Variants in TPTE observed in about 807,000 individuals in gnomAD.
The protein encoded by TPTE is putative tyrosine-protein phosphatase TPTE.
TPTE carries 59 observed loss-of-function variants against 84.1 expected under a neutral mutation model. That is an observed-to-expected ratio of 0.70 (90% CI 0.57 to 0.87). TPTE has a LOEUF of 0.87. TPTE is among the 40% of genes least tolerant of loss of function. The pLI, the probability that TPTE is intolerant of heterozygous loss-of-function variation, is 0.00. For missense variants in TPTE, 382 were observed against 659.6 expected, an observed-to-expected ratio of 0.58 and a Z score of 4.61; for synonymous variants, 130 against 223.5, an observed-to-expected ratio of 0.58 and a Z score of 3.73.
intron 3 of TPTE, among the ~76,000 whole-genome samples, chr21:10,533,650 T>A (rs2074218182): frequency 6.6e-6 from 1 of 152,312 alleles, no homozygotes; most frequent in African/African-American, 2.4e-5. Flanking sequence ...GGGCAGGAAT[T>A]ATATAGTCAG....
rs1979012032 is a variant in TPTE, at chr21:10,604,395, GAGTTGAAGA to G, written c.1520+767_1520+775del. ...AATATTTTTTAAATGATTTAGGTCAGAGTTGAAGAAGTGGCTATGATTATATGTGGCATG... is the reference window on the plus strand; with the variant it reads ...AATATTTTTTAAATGATTTAGGTCAGAGTGGCTATGATTATATGTGGCATG... On this transcript the variant is annotated intron_variant, in intron 23 of 23. Transcript: ENST00000618007. 3.9e-5 allele frequency among the ~76,000 whole-genome samples: 6 copies of G among 152,426 alleles called. No individual in the cohort carries two copies. The South Asian group carries it at 1.2e-3, about 32-fold the overall frequency.
chr21:10,569,598 A>G, intron 12 of TPTE, 62 bp downstream of exon 12: 1 of 1,613,734 alleles, frequency 6.2e-7, no homozygotes, highest in Non-Finnish European at 8.5e-7. Flanking sequence ...ACCCATTGAC[A>G]AGGGTTGATA....
chr21:10,538,765 T>C, intron 4 of TPTE, 31 bp downstream of exon 4: 2 of 1,614,066 alleles, frequency 1.2e-6, no homozygotes, highest in South Asian at 1.1e-5. Flanking sequence ...TCTTTATTTA[T>C]CGAATTATAA....
intron 17 of TPTE, among the ~76,000 whole-genome samples, chr21:10,585,306 TA>T (rs2075344209): frequency 2.0e-5 from 3 of 152,282 alleles, no homozygotes. Flanking sequence ...TTTTTTTTTT[TA>T]AATCATGAAT....
At chr21:10,554,613 G>A (rs1192365569) in intron 8 of TPTE, among the ~76,000 whole-genome samples, 1 of 152,306 alleles carries the variant, frequency 6.6e-6, no homozygotes, top group Admixed American at 6.5e-5. Flanking sequence ...CTCCCAGGTT[G>A]TCTTGCTTTT....
chr21:10,563,373 A>T (rs2074847323), intron 10 of TPTE, among the ~76,000 whole-genome samples: 1 of 152,312 alleles, frequency 6.6e-6, no homozygotes, highest in Non-Finnish European at 1.5e-5. Context: ...TAACACTGTA[A>T]CTATGATGTA....
At chr21:10,547,611 T>C (rs2074492363) in intron 7 of TPTE, among the ~76,000 whole-genome samples, 1 of 152,312 alleles carries the variant, frequency 6.6e-6, no homozygotes, top group African/African-American at 2.4e-5. Flanking sequence ...AGGCTTAAGC[T>C]GCAGCAACAC....
intron 2 of TPTE, 122 bp from the exon 3 acceptor site, chr21:10,527,233 T>C (rs1306717752): frequency 6.5e-6 from 1 of 152,744 alleles, no homozygotes; most frequent in East Asian, 1.9e-4. Flanking sequence ...GTTTCTTTAG[T>C]TCTTGTCAAA....
chr21:10,532,258 G>A (rs9647255), intron 3 of TPTE, among the ~76,000 whole-genome samples: 2,077 of 151,562 alleles, frequency 0.014, no homozygotes, highest in South Asian at 0.087. Flanking sequence ...TTTTATATCC[G>A]TCTAGGAATT....
chr21:10,543,412 A>T, intron 7 of TPTE, 30 bp downstream of exon 7: 1 of 1,614,070 alleles, frequency 6.2e-7, no homozygotes, highest in Non-Finnish European at 8.5e-7. Flanking sequence ...AGACACACGT[A>T]TGCATAAGAG....
chr21:10,565,292 C>T (rs1180338592), intron 10 of TPTE, among the ~76,000 whole-genome samples: 1 of 152,300 alleles, frequency 6.6e-6, no homozygotes, highest in East Asian at 1.9e-4. Context: ...AGAAATTAAC[C>T]TAACCAAAGA....
chr21:10,541,889 C>T (rs1264570817), intron 5 of TPTE, among the ~76,000 whole-genome samples: 9 of 152,294 alleles, frequency 5.9e-5, no homozygotes, highest in Admixed American at 5.9e-4. Context: ...TCACCACCCT[C>T]CAGAACCCTG....
chr21:10,587,147 A>G (rs1366806443), intron 17 of TPTE, among the ~76,000 whole-genome samples: 2 of 152,308 alleles, frequency 1.3e-5, no homozygotes, highest in Non-Finnish European at 2.9e-5. Flanking sequence ...CTGATGTAGG[A>G]TGATTCTTGC....
chr21:10,550,706 A>G (rs2074556694), intron 7 of TPTE, among the ~76,000 whole-genome samples: 2 of 152,306 alleles, frequency 1.3e-5, no homozygotes, highest in African/African-American at 2.4e-5. Flanking sequence ...CAGAAAATCA[A>G]CAAAGAAACA....
At chr21:10,538,554 A>G (rs2074309123) in intron 3 of TPTE, 127 bp from the exon 4 acceptor site, 1 of 1,406,578 alleles carries the variant, frequency 7.1e-7, no homozygotes, top group Admixed American at 1.9e-5. Context: ...AGAACCAAAT[A>G]GTGCTATACA....
chr21:10,572,257 A>G (rs1446578923), intron 14 of TPTE, among the ~76,000 whole-genome samples: 2 of 152,290 alleles, frequency 1.3e-5, no homozygotes, highest in African/African-American at 4.8e-5. Context: ...CAAGGCGAGC[A>G]TGGCCAACAT....
chr21:10,546,104 G>T (rs1301571332), intron 7 of TPTE, among the ~76,000 whole-genome samples: 4 of 152,302 alleles, frequency 2.6e-5, no homozygotes, highest in Non-Finnish European at 4.4e-5. Context: ...ACCCTACATT[G>T]AGCAAGTCTC....
intron 17 of TPTE, among the ~76,000 whole-genome samples, chr21:10,581,902 T>G (rs1369232384): frequency 1.0e-4 from 16 of 152,410 alleles, no homozygotes; most frequent in South Asian, 2.1e-4. Context: ...GCCTGGCTAA[T>G]TTTTGTATTT....
intron 5 of TPTE, among the ~76,000 whole-genome samples, chr21:10,542,120 C>G (rs1057057781): frequency 6.6e-6 from 1 of 152,310 alleles, no homozygotes; most frequent in African/African-American, 2.4e-5. Context: ...ACTACCACCA[C>G]AAAGTCTGTC....
Sources: allele counts gnomAD v4.1 joint callset (sites outside exome capture counted in the v4.1 genomes callset), GRCh38; gene constraint gnomAD v4.1.1; transcripts MANE v1.5; gene names NCBI Gene and HGNC (gene_info 2026-07-23, HGNC 2026-07-21).